CNTLN: variants seen among roughly 807,000 people sequenced by gnomAD.
The protein encoded by CNTLN is centlein, also known as centlein, centrosomal protein.
Under a neutral mutation model 180.0 loss-of-function variants are expected in CNTLN, and 212 were observed. The observed-to-expected ratio is 1.18, with a 90% confidence interval of 1.05 to 1.32. CNTLN has a LOEUF of 1.32. Among genes scored for constraint, CNTLN ranks in the 40% most tolerant of loss-of-function variants. The pLI is 0.00. For synonymous variants in CNTLN, 722 were observed against 563.1 expected, an observed-to-expected ratio of 1.28 and a Z score of -3.99; for missense variants, 2,095 against 1,610.9, an observed-to-expected ratio of 1.30 and a Z score of -5.14.
intron 12 of CNTLN, among the ~76,000 whole-genome samples, chr9:17,345,895 T>G (rs1349969613): frequency 6.6e-6 from 1 of 152,234 alleles, no homozygotes; most frequent in Non-Finnish European, 1.5e-5. Flanking sequence ...AAGTTTCTTC[T>G]TTTATAGTTT....
At chr9:17,476,695 T>C (rs1832367624) in intron 23 of CNTLN, among the ~76,000 whole-genome samples, 3 of 152,168 alleles carry the variant, frequency 2.0e-5, no homozygotes, top group Non-Finnish European at 2.9e-5. Context: ...CTTCAGTTCT[T>C]CAAAGGATGA....
At chr9:17,370,910 G>T (rs1270168067) in intron 13 of CNTLN, among the ~76,000 whole-genome samples, 1 of 151,872 alleles carries the variant, frequency 6.6e-6, no homozygotes, top group Non-Finnish European at 1.5e-5. Flanking sequence ...ATATATAATG[G>T]GTTGCAACAT....
chr9:17,384,786 G>A (rs1825558427), intron 13 of CNTLN, among the ~76,000 whole-genome samples: 1 of 152,084 alleles, frequency 6.6e-6, no homozygotes, highest in African/African-American at 2.4e-5. Flanking sequence ...AGTGTTCAGA[G>A]TTATTTTTAC....
At chr9:17,200,784 C>G (rs1431216106) in intron 2 of CNTLN, among the ~76,000 whole-genome samples, 1 of 151,882 alleles carries the variant, frequency 6.6e-6, no homozygotes, top group Non-Finnish European at 1.5e-5. Flanking sequence ...TCTGCAGAGA[C>G]AATTTGACTT....
chr9:17,182,380 T>C (rs1188254716), intron 2 of CNTLN, among the ~76,000 whole-genome samples: 1 of 152,134 alleles, frequency 6.6e-6, no homozygotes, highest in Non-Finnish European at 1.5e-5. Context: ...AGGGAACTTA[T>C]TGCTGTTTAA....
chr9:17,400,932 A>G (rs1216941493), intron 15 of CNTLN, among the ~76,000 whole-genome samples: 1 of 152,206 alleles, frequency 6.6e-6, no homozygotes, highest in Admixed American at 6.5e-5. Flanking sequence ...TAGATTCCAC[A>G]CACACATAAA....
chr9:17,181,455 A>T (rs1323806544), intron 2 of CNTLN, among the ~76,000 whole-genome samples: 1 of 152,148 alleles, frequency 6.6e-6, no homozygotes, highest in Non-Finnish European at 1.5e-5. Flanking sequence ...ATAACTGCTC[A>T]TTGAAGCATT....
chr9:17,188,023 T>C (rs576374541), intron 2 of CNTLN, among the ~76,000 whole-genome samples: 18 of 147,014 alleles, frequency 1.2e-4, no homozygotes, highest in African/African-American at 4.6e-4. Flanking sequence ...TATATATATA[T>C]ATATATATAC....
At chr9:17,377,181 C>T (rs1824844053) in intron 13 of CNTLN, among the ~76,000 whole-genome samples, 1 of 152,196 alleles carries the variant, frequency 6.6e-6, no homozygotes, top group South Asian at 2.1e-4. Context: ...GTACTCATCA[C>T]ATTTTTAAAA....
chr9:17,224,714 C>T (rs77394679), intron 2 of CNTLN, among the ~76,000 whole-genome samples: 3,388 of 152,020 alleles, frequency 0.022, 125 homozygotes, highest in African/African-American at 0.077. Flanking sequence ...TTACATCTAC[C>T]TGATTGTGTT....
At chr9:17,155,046 C>T (rs372121718) in intron 2 of CNTLN, among the ~76,000 whole-genome samples, 39 of 152,246 alleles carry the variant, frequency 2.6e-4, no homozygotes, top group East Asian at 2.3e-3. Flanking sequence ...ACTCTGGATG[C>T]GCCACCTTTA....
chr9:17,139,527 G>A (rs1465343023), intron 1 of CNTLN, among the ~76,000 whole-genome samples: 2 of 151,994 alleles, frequency 1.3e-5, no homozygotes, highest in East Asian at 3.9e-4. Flanking sequence ...GAGTGTGGCA[G>A]CATGCACCAT....
intron 11 of CNTLN, among the ~76,000 whole-genome samples, 160 bp downstream of exon 11, chr9:17,341,108 A>C (rs1821448078): frequency 6.6e-6 from 1 of 152,246 alleles, no homozygotes; most frequent in African/African-American, 2.4e-5. Context: ...AAATTAAAAC[A>C]GAGGAATGTG....
At chr9:17,499,385 C>T (rs1022503566) in intron 25 of CNTLN, among the ~76,000 whole-genome samples, 1 of 152,166 alleles carries the variant, frequency 6.6e-6, no homozygotes, top group African/African-American at 2.4e-5. Context: ...GAAAATTCCA[C>T]TCTTAGCCAT....
intron 3 of CNTLN, among the ~76,000 whole-genome samples, chr9:17,229,178 T>C (rs1370750432): frequency 6.6e-6 from 1 of 152,072 alleles, no homozygotes; most frequent in Admixed American, 6.6e-5. Context: ...ATGCAATATC[T>C]CATGAATTGA....
the CNTLN span, among the ~76,000 whole-genome samples, chr9:17,521,273 G>GAGAGAGAGAGAGAGAC: frequency 6.7e-6 from 1 of 148,954 alleles, no homozygotes; most frequent in South Asian, 2.2e-4. Context: ...AAAAGAGAGA[G>GAGAGAGAGAGAGAGAC]AGAGAGAGAG....
chr9:17,391,294 C>T (rs1214113674), intron 14 of CNTLN, among the ~76,000 whole-genome samples: 1 of 152,114 alleles, frequency 6.6e-6, no homozygotes, highest in African/African-American at 2.4e-5. Context: ...CAAGGCAGAA[C>T]TGAGAAGGGA....
chr9:17,444,695 T>G (rs1430925810), intron 18 of CNTLN, among the ~76,000 whole-genome samples: 1 of 152,228 alleles, frequency 6.6e-6, no homozygotes, highest in East Asian at 1.9e-4. Context: ...TTGTCCTTGA[T>G]GTAGCATAAC....
chr9:17,135,206 G>A lies in CNTLN; in HGVS notation c.141G>A (p.Glu47=). Residue 47 remains glutamate, a synonymous_variant, in exon 1 of 26, where the codon GAG becomes GAA. Coordinates refer to ENST00000380647, the MANE Select transcript of CNTLN (RefSeq NM_017738.4). ...EASGFAGAAR[E]VVADESDKIW... ...CGGGTTTTGCCGGCGCAGCGCGGGAGGTGGTCGCGGACGAAAGTGATAAAA... is the reference window on the plus strand; with the variant it reads ...CGGGTTTTGCCGGCGCAGCGCGGGAAGTGGTCGCGGACGAAAGTGATAAAA... 1 of 1,610,756 alleles carries A rather than the reference G, an allele frequency of 6.2e-7. No individual in the cohort carries two copies. The highest frequency in any genetic ancestry group is 8.5e-7 in the Non-Finnish European group (1 of 1,178,932).
Sources: allele counts gnomAD v4.1 joint callset (sites outside exome capture counted in the v4.1 genomes callset), GRCh38; gene constraint gnomAD v4.1.1; transcripts MANE v1.5; gene names NCBI Gene and HGNC (gene_info 2026-07-23, HGNC 2026-07-21).